Variants in PRMT8 observed in about 807,000 individuals in gnomAD.
PRMT8 encodes the protein protein arginine N-methyltransferase 8.
Under a neutral mutation model 47.1 loss-of-function variants are expected in PRMT8, and 7 were observed. That is an observed-to-expected ratio of 0.15 (90% CI 0.08 to 0.28). The LOEUF is 0.28. Among genes scored for constraint, PRMT8 ranks in the 10% least tolerant of loss-of-function variants. The pLI is 1.00. For synonymous variants in PRMT8, 188 were observed against 186.5 expected, an observed-to-expected ratio of 1.01 and a Z score of -0.07; for missense variants, 237 against 505.4, an observed-to-expected ratio of 0.47 and a Z score of 5.09.
At chr12:3,391,669 G>A (rs951971194) in intron 1 of PRMT8, among the ~76,000 whole-genome samples, 2 of 152,176 alleles carry the variant, frequency 1.3e-5, no homozygotes, top group African/African-American at 4.8e-5. Flanking sequence ...ATGTTATCCT[G>A]TACCAAAGCT....
chr12:3,430,516 T>C (rs1370501125), intron 1 of PRMT8, among the ~76,000 whole-genome samples: 1 of 152,190 alleles, frequency 6.6e-6, no homozygotes, highest in Admixed American at 6.5e-5. Context: ...CTTATGGTGA[T>C]TAACTAAGAT....
Position 3,493,114 on chromosome 12 carries a change from C to T in PRMT8, c.75+1414C>T, listed in dbSNP as rs1565422173. On this transcript the variant is annotated intron_variant, in intron 1 of 9. Coordinates refer to ENST00000382622, the MANE Select transcript of PRMT8 (RefSeq NM_019854.5). The surrounding 1 kb of genome is among the most constrained non-coding windows in gnomAD (Gnocchi z 8.2). ...CATCTGACAATTGTCAATTTCAAAA[C>T]AAACACGCTCCGGGACTTGAACGCA... Among the ~76,000 whole-genome samples, 1 of 152,166 alleles carries T rather than the reference C, an allele frequency of 6.6e-6. No homozygotes were observed. The highest frequency in any genetic ancestry group is 2.4e-5 in the African/African-American group (1 of 41,440).
At chr12:3,396,921 C>CT (rs1470148569) in intron 1 of PRMT8, among the ~76,000 whole-genome samples, 2 of 151,792 alleles carry the variant, frequency 1.3e-5, no homozygotes, top group Admixed American at 6.6e-5. Context: ...TCTTTTTATT[C>CT]TTTTTTCTCT....
chr12:3,534,970 G>A lies in PRMT8; in HGVS notation c.76-5636G>A, dbSNP rs181214714. Among the ~76,000 whole-genome samples, 65 of 152,350 alleles carry A rather than the reference G, an allele frequency of 4.3e-4. 1 individual carries two copies. The East Asian group carries it at 0.011, about 26-fold the overall frequency. ...ATGTCAGTTACTATGAGGATTTCAC[G>A]AGATGGTGTCTATCTATAAAGTGCT... On this transcript the variant is annotated intron_variant, in intron 1 of 9. Transcript: ENST00000382622.
At chr12:3,411,423 C>T (rs927149331) in intron 1 of PRMT8, among the ~76,000 whole-genome samples, 5 of 152,164 alleles carry the variant, frequency 3.3e-5, no homozygotes, top group African/African-American at 1.2e-4. Context: ...TCCAGTTTTT[C>T]TAGTTCTCCA....
At chr12:3,437,159 C>T (rs1421605289) in intron 1 of PRMT8, among the ~76,000 whole-genome samples, 1 of 152,028 alleles carries the variant, frequency 6.6e-6, no homozygotes, top group African/African-American at 2.4e-5. Flanking sequence ...TTTGATGCTT[C>T]TAGAAACTTA....
chr12:3,498,349 G>A (rs1230049473), intron 1 of PRMT8, among the ~76,000 whole-genome samples: 1 of 152,216 alleles, frequency 6.6e-6, no homozygotes, highest in Non-Finnish European at 1.5e-5. Flanking sequence ...AACTTAAAAT[G>A]TGAAGAGAAA....
chr12:3,490,546 T>TGGG (rs368631937), upstream of PRMT8, among the ~76,000 whole-genome samples: 67 of 52,790 alleles, frequency 1.3e-3, no homozygotes, highest in Admixed American at 2.8e-3. Flanking sequence ...AAGACTGGAG[T>TGGG]GGGGGGGGGG....
At chr12:3,486,071 T>C (rs571755563) in intron 1 of PRMT8, among the ~76,000 whole-genome samples, 6 of 152,300 alleles carry the variant, frequency 3.9e-5, no homozygotes, top group African/African-American at 1.4e-4. Context: ...TGGTAAATAG[T>C]GCATTTGGAG....
intron 1 of PRMT8, among the ~76,000 whole-genome samples, chr12:3,418,760 AGTGTCTTCGGTGGCTTTTGCCTCCTCTG>A (rs1864508956): frequency 7.5e-6 from 1 of 132,696 alleles, no homozygotes; most frequent in South Asian, 2.8e-4. Flanking sequence ...CCAGGAAAGC[AGTGTCTTCGGTGGCTTTTGCCTCCTCTG>A]GAGGAAGGGT....
intron 1 of PRMT8, among the ~76,000 whole-genome samples, chr12:3,458,454 G>C (rs1865000312): frequency 6.6e-6 from 1 of 152,166 alleles, no homozygotes; most frequent in Non-Finnish European, 1.5e-5. Context: ...TTGACGAGAG[G>C]AGGCACAGAC....
chr12:3,430,275 C>T (rs1864660080), intron 1 of PRMT8, among the ~76,000 whole-genome samples: 1 of 152,208 alleles, frequency 6.6e-6, no homozygotes. Context: ...ATAGATAACA[C>T]AAGCAGTTAG....
At chr12:3,591,798 G>A (rs969306493) in intron 8 of PRMT8, among the ~76,000 whole-genome samples, 7 of 152,160 alleles carry the variant, frequency 4.6e-5, no homozygotes, top group Admixed American at 2.0e-4. Flanking sequence ...TGTCATTTAA[G>A]GGGAGATAGG....
At chr12:3,577,182 C>T (rs1224402440) in intron 7 of PRMT8, among the ~76,000 whole-genome samples, 196 bp downstream of exon 7, 2 of 152,196 alleles carry the variant, frequency 1.3e-5, no homozygotes, top group Non-Finnish European at 2.9e-5. Context: ...AGAGTGGCTC[C>T]ATGGTGGCAC....
At chr12:3,525,812 T>C (rs1378204487) in intron 1 of PRMT8, among the ~76,000 whole-genome samples, 1 of 152,246 alleles carries the variant, frequency 6.6e-6, no homozygotes, top group African/African-American at 2.4e-5. Context: ...TACATTTGTC[T>C]ATTTCTCCTT....
chr12:3,390,266 C>G (rs1486633159), intron 1 of PRMT8, among the ~76,000 whole-genome samples: 2 of 152,226 alleles, frequency 1.3e-5, no homozygotes, highest in Non-Finnish European at 2.9e-5. Flanking sequence ...AATCACATCA[C>G]AAGCTGGAAG....
chr12:3,430,103 T>C (rs2137067536), intron 1 of PRMT8, among the ~76,000 whole-genome samples: 1 of 152,320 alleles, frequency 6.6e-6, no homozygotes, highest in South Asian at 2.1e-4. Flanking sequence ...GCAGTTCCTG[T>C]CCCTTTTAAG....
At position 3,492,763 on chromosome 12, in the gene PRMT8, G is replaced by A. The variant is rs1439402513; in HGVS notation, c.75+1063G>A. On this transcript the variant is annotated intron_variant, in intron 1 of 9. Coordinates refer to ENST00000382622, the MANE Select transcript of PRMT8 (RefSeq NM_019854.5). This position sits in a 1 kb window ranked among gnomAD's most constrained non-coding sequence, Gnocchi z 7.5. ...GGAGAAACGGTGCGCCGAGATGGGGGCGGAGTGGGGCATGTGTGTGAAGAT... is the reference window on the plus strand; with the variant it reads ...GGAGAAACGGTGCGCCGAGATGGGGACGGAGTGGGGCATGTGTGTGAAGAT... 6.6e-6 allele frequency among the ~76,000 whole-genome samples: 1 copy of A among 152,190 alleles called. No homozygotes were observed. The highest frequency in any genetic ancestry group is 6.5e-5 in the Admixed American group (1 of 15,282).
At chr12:3,523,747 A>G (rs984543949) in intron 1 of PRMT8, among the ~76,000 whole-genome samples, 3 of 152,208 alleles carry the variant, frequency 2.0e-5, no homozygotes, top group African/African-American at 7.2e-5. Flanking sequence ...GCTCTGTACT[A>G]AAACAGAAAT....
Sources: allele counts gnomAD v4.1 joint callset (sites outside exome capture counted in the v4.1 genomes callset), GRCh38; gene constraint gnomAD v4.1.1; non-coding constraint Gnocchi (gnomAD v3.1); transcripts MANE v1.5; gene names NCBI Gene and HGNC (gene_info 2026-07-23, HGNC 2026-07-21).